Variants in DNAJB6 observed in about 807,000 individuals in gnomAD.
The protein encoded by DNAJB6 is dnaJ homolog subfamily B member 6.
A neutral mutation model predicts 42.7 loss-of-function variants in DNAJB6; 16 were observed. The observed-to-expected ratio is 0.37, with a 90% CI of 0.25 to 0.57. The LOEUF (loss-of-function observed/expected upper bound fraction) is 0.57. DNAJB6 is among the 20% of genes least tolerant of loss of function. The pLI is 0.74. For missense variants in DNAJB6, 347 were observed against 416.8 expected, an observed-to-expected ratio of 0.83 and a Z score of 1.46; for synonymous variants, 170 against 163.5, an observed-to-expected ratio of 1.04 and a Z score of -0.30.
intron 1 of DNAJB6, among the ~76,000 whole-genome samples, chr7:157,343,162 ATTT>A (rs35208783): frequency 4.1e-5 from 6 of 145,542 alleles, no homozygotes; most frequent in African/African-American, 1.0e-4. Context: ...CACCCAGGTA[ATTT>A]TTTTTTTTTT....
intron 2 of DNAJB6, among the ~76,000 whole-genome samples, chr7:157,359,437 T>C (rs1799468000): frequency 6.6e-6 from 1 of 152,206 alleles, no homozygotes; most frequent in Non-Finnish European, 1.5e-5. Context: ...GGTCTCAAAC[T>C]CCTGGGCTCA....
chr7:157,339,589 G>T (rs1798237898), intron 1 of DNAJB6, among the ~76,000 whole-genome samples: 1 of 149,320 alleles, frequency 6.7e-6, no homozygotes, highest in African/African-American at 2.5e-5. Context: ...ATGAGCCACC[G>T]CGCCCGGCCT....
intron 8 of DNAJB6, among the ~76,000 whole-genome samples, chr7:157,405,869 CTT>C (rs1173523939): frequency 6.6e-6 from 1 of 152,224 alleles, no homozygotes; most frequent in Non-Finnish European, 1.5e-5. Flanking sequence ...TCTCCAGCCA[CTT>C]TCTCTTTTTC....
intron 1 of DNAJB6, among the ~76,000 whole-genome samples, chr7:157,340,964 C>CTGTGTGTGTGTGTGTG (rs35976329): frequency 6.2e-5 from 9 of 146,198 alleles, no homozygotes; most frequent in South Asian, 2.2e-4. Flanking sequence ...CCGCACCTGG[C>CTGTGTGTGTGTGTGTG]TGTGTGTGTG....
intron 1 of DNAJB6, among the ~76,000 whole-genome samples, chr7:157,357,212 G>GCCCTTCCT (rs1799324886): frequency 1.6e-5 from 1 of 61,850 alleles, no homozygotes; most frequent in African/African-American, 5.4e-5. Context: ...TGATACTGTT[G>GCCCTTCCT]TCCTTCCTTC....
intron 1 of DNAJB6, among the ~76,000 whole-genome samples, chr7:157,338,369 T>A (rs568533034): frequency 2.0e-5 from 3 of 152,054 alleles, no homozygotes; most frequent in South Asian, 4.2e-4. Flanking sequence ...GAGTCTGTTC[T>A]GTTGCCCAGG....
intron 8 of DNAJB6, among the ~76,000 whole-genome samples, chr7:157,399,849 A>C (rs1801765841): frequency 6.6e-6 from 1 of 152,066 alleles, no homozygotes; most frequent in South Asian, 2.1e-4. Flanking sequence ...TTGTATTTTT[A>C]GTAGAGACGG....
chr7:157,392,330 T>C (rs1351912181), intron 8 of DNAJB6, among the ~76,000 whole-genome samples: 1 of 151,934 alleles, frequency 6.6e-6, no homozygotes, highest in Non-Finnish European at 1.5e-5. Flanking sequence ...GCTAGTTGAT[T>C]AGTCTTTAGC....
intron 1 of DNAJB6, among the ~76,000 whole-genome samples, chr7:157,356,730 A>G (rs1470585614): frequency 1.3e-5 from 2 of 152,240 alleles, no homozygotes; most frequent in Non-Finnish European, 2.9e-5. Context: ...GAAAATAGGA[A>G]CAAGTTTTTT....
At position 157,339,342 on chromosome 7, in the gene DNAJB6, GTAAT is replaced by G. The variant is rs567102340; in HGVS notation, c.-27+2203_-27+2206del. ...GGAGTCTTGCTCTGTCGCCCAGGCC[GTAAT>G]TAATGCGGTGGCGCGATCTCGGCTC... On this transcript the variant is annotated intron_variant, in intron 1 of 9. Coordinates refer to ENST00000262177, the MANE Select transcript of DNAJB6 (RefSeq NM_058246.4). 4.5e-3 allele frequency among the ~76,000 whole-genome samples: 572 copies of G among 126,538 alleles called. 4 individuals carry two copies. The highest frequency in any genetic ancestry group is 0.017 in the African/African-American group (545 of 32,728). The allele number at this position is 126,538 out of a possible 152,430, so 83.0% of individuals were successfully genotyped here. A position where few individuals can be genotyped will look rare whatever the true frequency, so the allele number is the denominator to read the frequency against.
Position 157,376,099 on chromosome 7 carries a change from G to A in DNAJB6, c.347-6147G>A, listed in dbSNP as rs533214064. Among the ~76,000 whole-genome samples, 53 of 152,230 alleles carry A rather than the reference G, an allele frequency of 3.5e-4. 1 individual carries two copies. The highest frequency in any genetic ancestry group is 1.2e-3 in the African/African-American group (51 of 41,538). On this transcript the variant is annotated intron_variant, in intron 5 of 9. Transcript: ENST00000262177. Reference sequence around the variant, plus strand: ...TGGTTGGTGGGAATCCCTTCGCTTCGTTGTGAAGCTGTTCCTGTTCCATCA... The same window carrying A: ...TGGTTGGTGGGAATCCCTTCGCTTCATTGTGAAGCTGTTCCTGTTCCATCA...
chr7:157,410,272 A>G, intron 9 of DNAJB6: 1 of 692,906 alleles, frequency 1.4e-6, no homozygotes, highest in Non-Finnish European at 2.1e-6. Context: ...CAGAGCTGCC[A>G]CGGCAGTGCG....
At position 157,343,005 on chromosome 7, in the gene DNAJB6, T is replaced by C. The variant is rs775666183; in HGVS notation, c.-27+5861T>C. Among the ~76,000 whole-genome samples the C allele has an allele frequency of 2.3e-4, 35 of 152,088 alleles. 1 individual carries two copies. The highest frequency in any genetic ancestry group is 8.5e-4 in the Admixed American group (13 of 15,270). On this transcript the variant is annotated intron_variant, in intron 1 of 9. Coordinates refer to ENST00000262177, the MANE Select transcript of DNAJB6 (RefSeq NM_058246.4). ...TTTTGTTTTTGCTTTTTTTTTTTGT[T>C]GTTTGAGACCAAGTCTCACTCTGTC...
intron 5 of DNAJB6, among the ~76,000 whole-genome samples, chr7:157,368,311 GT>G (rs1234508451): frequency 1.3e-5 from 2 of 152,180 alleles, no homozygotes; most frequent in African/African-American, 4.8e-5. Context: ...TGGAAACGTT[GT>G]TTCCCATTGA....
At chr7:157,351,716 C>T (rs140817511) in intron 1 of DNAJB6, among the ~76,000 whole-genome samples, 179 of 152,184 alleles carry the variant, frequency 1.2e-3, no homozygotes, top group African/African-American at 3.8e-3. Flanking sequence ...ATAATCCCAG[C>T]ACTTTGGTAG....
At chr7:157,387,397 C>T (rs1801121732) in intron 8 of DNAJB6, among the ~76,000 whole-genome samples, 1 of 152,152 alleles carries the variant, frequency 6.6e-6, no homozygotes, top group South Asian at 2.1e-4. Context: ...TGTTGGAAAT[C>T]CCACTCACAA....
chr7:157,411,464 G>A (rs566782189), intron 9 of DNAJB6: 66 of 149,188 alleles, frequency 4.4e-4, no homozygotes, highest in Admixed American at 4.0e-3. Flanking sequence ...CTGAGCGGGC[G>A]TTGGGGAGGC....
At chr7:157,341,008 A>C in intron 1 of DNAJB6, among the ~76,000 whole-genome samples, 1 of 61,462 alleles carries the variant, frequency 1.6e-5, no homozygotes, top group Non-Finnish European at 3.7e-5. Context: ...GCGCGCGCGC[A>C]GGTGGAATCA....
intron 2 of DNAJB6, among the ~76,000 whole-genome samples, chr7:157,362,704 A>C (rs1023315916): frequency 1.4e-4 from 22 of 152,148 alleles, no homozygotes; most frequent in African/African-American, 4.8e-4. Context: ...CAGTCTTGTC[A>C]CTGTCAGTCC....
Sources: allele counts gnomAD v4.1 joint callset (sites outside exome capture counted in the v4.1 genomes callset), GRCh38; gene constraint gnomAD v4.1.1; transcripts MANE v1.5; gene names NCBI Gene and HGNC (gene_info 2026-07-23, HGNC 2026-07-21).